The following PCDHA3 variants were observed in gnomAD, a reference collection of about 807,000 sequenced individuals.
PCDHA3 encodes the protein protocadherin alpha 3.
A neutral mutation model predicts 62.2 loss-of-function variants in PCDHA3; 41 were observed. The observed-to-expected ratio is 0.66, with a 90% CI of 0.51 to 0.86. The LOEUF (loss-of-function observed/expected upper bound fraction) is 0.86, where lower values mean the gene tolerates loss of function less well. PCDHA3 is among the 40% of genes least tolerant of loss of function. The pLI is 0.00. For synonymous variants in PCDHA3, 640 were observed against 555.4 expected, an observed-to-expected ratio of 1.15 and a Z score of -2.14; for missense variants, 1,304 against 1,241.2, an observed-to-expected ratio of 1.05 and a Z score of -0.76.
At chr5:140,803,858 G>T in intron 1 of PCDHA3, 1 of 575,694 alleles carries the variant, frequency 1.7e-6, no homozygotes, top group South Asian at 2.3e-5. Context: ...AAATGCCTGG[G>T]TATAAGACAA....
intron 1 of PCDHA3, chr5:140,842,406 A>G: frequency 6.2e-7 from 1 of 1,612,200 alleles, no homozygotes; most frequent in Non-Finnish European, 8.5e-7. Context: ...GTACGTGAAG[A>G]CGCTCAATTT....
At chr5:140,806,920 T>A (rs1204868213) in intron 1 of PCDHA3, 4 of 504,194 alleles carry the variant, frequency 7.9e-6, no homozygotes, top group Admixed American at 3.7e-5. Flanking sequence ...AAATAATAAA[T>A]AAAACCAAGT....
At chr5:140,807,516 T>C (rs782377477) in intron 1 of PCDHA3, 2 of 1,613,702 alleles carry the variant, frequency 1.2e-6, no homozygotes, top group African/African-American at 2.7e-5. Flanking sequence ...GAGGTGATCG[T>C]AGACAGGCCG....
At chr5:140,987,952 C>T (rs1176597775) in intron 3 of PCDHA3, among the ~76,000 whole-genome samples, 1 of 152,128 alleles carries the variant, frequency 6.6e-6, no homozygotes, top group African/African-American at 2.4e-5. Flanking sequence ...TCTGACAAAA[C>T]CAACTCCCCA....
chr5:140,874,607 T>C (rs534439802), intron 1 of PCDHA3, among the ~76,000 whole-genome samples: 1 of 152,226 alleles, frequency 6.6e-6, no homozygotes, highest in Non-Finnish European at 1.5e-5. Context: ...TTTGGAGGCT[T>C]CAACTAAACA....
chr5:140,829,358 T>C (rs2150166463), intron 1 of PCDHA3: 4 of 1,614,154 alleles, frequency 2.5e-6, no homozygotes, highest in Admixed American at 1.7e-5. Context: ...GGCCTATGAG[T>C]TGGTGGTAAC....
Position 140,992,419 on chromosome 5 carries a change from A to C in PCDHA3, c.2542+9856A>C, listed in dbSNP as rs554370784. The stretch of plus-strand genomic sequence containing the variant: ...GAGATATTGTTCTGCCCCAGGTCTA[A>C]GAATATTGTTCCAAGAGTTGGGAGC... On this transcript the variant is annotated intron_variant, in intron 3 of 3. Transcript: ENST00000522353. Among the ~76,000 whole-genome samples the C allele has an allele frequency of 3.3e-5, 5 of 152,318 alleles. No individual in the cohort carries two copies. In the East Asian group the frequency reaches 7.7e-4, roughly 23 times the overall value.
At chr5:140,826,432 T>G (rs1245508163) in intron 1 of PCDHA3, among the ~76,000 whole-genome samples, 1 of 152,176 alleles carries the variant, frequency 6.6e-6, no homozygotes, top group African/African-American at 2.4e-5. Flanking sequence ...GAATTTCACA[T>G]GGAAGAAAAG....
intron 1 of PCDHA3, chr5:140,807,039 A>C: frequency 1.0e-6 from 1 of 962,924 alleles, no homozygotes; most frequent in Non-Finnish European, 1.6e-6. Flanking sequence ...AAGAAGGGAA[A>C]ATTCCTTCTA....
intron 1 of PCDHA3, among the ~76,000 whole-genome samples, chr5:140,901,807 C>T (rs1227752610): frequency 6.6e-6 from 1 of 152,116 alleles, no homozygotes; most frequent in Non-Finnish European, 1.5e-5. Context: ...AACATTTTTA[C>T]AATATTGATT....
At chr5:140,841,059 A>C in intron 1 of PCDHA3, 1 of 449,736 alleles carries the variant, frequency 2.2e-6, no homozygotes, top group Non-Finnish European at 3.9e-6. Context: ...CTATTAAATT[A>C]TGATAAAGAA....
At chr5:140,823,955 C>A (rs2150130710) in intron 1 of PCDHA3, 1 of 1,614,042 alleles carries the variant, frequency 6.2e-7, no homozygotes, top group Non-Finnish European at 8.5e-7. Flanking sequence ...GCGCAGCCCA[C>A]CGAGGCCGTG....
chr5:140,877,027 G>T lies in PCDHA3; in HGVS notation c.2394+73436G>T, dbSNP rs376609696. 1.3e-4 allele frequency: 211 copies of T among 1,612,282 alleles called. No individual in the cohort carries two copies. Among genetic ancestry groups the T allele is most frequent in the Admixed American group, 2.7e-4 (16 of 60,002 alleles). On this transcript the variant is annotated intron_variant, in intron 1 of 3. Coordinates refer to ENST00000522353, the MANE Select transcript of PCDHA3 (RefSeq NM_018906.3). ...GCACGCGGAGAGCGGCAAGGTGTAC[G>T]CGCTGCAGCCGCTAGACCACGAGGA...
At chr5:140,942,907 C>T (rs990206907) in intron 1 of PCDHA3, among the ~76,000 whole-genome samples, 14 of 151,044 alleles carry the variant, frequency 9.3e-5, no homozygotes, top group Non-Finnish European at 1.6e-4. Flanking sequence ...TAAGAATAAG[C>T]GTGAAGAAAA....
At chr5:140,876,918 G>A (rs2056694252) in intron 1 of PCDHA3, 4 of 1,613,936 alleles carry the variant, frequency 2.5e-6, no homozygotes, top group East Asian at 2.2e-5. Context: ...CATGGGACGC[G>A]GACGCGCAGA....
chr5:140,946,959 A>C (rs918204180), intron 1 of PCDHA3, among the ~76,000 whole-genome samples: 2 of 151,664 alleles, frequency 1.3e-5, no homozygotes, highest in Non-Finnish European at 3.0e-5. Context: ...GTATATTTCA[A>C]AATATTATAG....
Position 140,856,181 on chromosome 5 carries a change from G to A in PCDHA3, c.2394+52590G>A, listed in dbSNP as rs781803033. 3.8e-6 allele frequency: 6 copies of A among 1,598,228 alleles called. No individual in the cohort carries two copies. In the East Asian group the frequency reaches 1.3e-4, roughly 36 times the overall value. ...GGAGGCCAGACACGGCACCTTCGTG[G>A]GCCGCATCGCGCAGGACCTGGGGCT... On this transcript the variant is annotated intron_variant, in intron 1 of 3. Transcript: ENST00000522353.
chr5:140,885,566 G>T (rs190303990), intron 1 of PCDHA3, among the ~76,000 whole-genome samples: 3 of 152,162 alleles, frequency 2.0e-5, no homozygotes, highest in South Asian at 4.2e-4. Flanking sequence ...GAAATTGATT[G>T]TCAGATGTGG....
At chr5:140,857,465 ATCT>A in intron 1 of PCDHA3, 1 of 1,598,478 alleles carries the variant, frequency 6.3e-7, no homozygotes, top group Non-Finnish European at 8.6e-7. Context: ...AGGCTGCCAC[ATCT>A]TCACGGTGTC....
Sources: gnomAD v4.1 joint callset for allele counts (sites outside exome capture counted in the v4.1 genomes callset) on GRCh38, gnomAD v4.1.1 for gene constraint, MANE v1.5 for transcripts, NCBI Gene and HGNC (gene_info 2026-07-23, HGNC 2026-07-21) for gene names.